The following FA2H variants were observed in gnomAD, a reference collection of about 807,000 sequenced individuals.
FA2H encodes fatty acid 2-hydroxylase.
Under a neutral mutation model 44.9 loss-of-function variants are expected in FA2H, and 22 were observed. That is an observed-to-expected ratio of 0.49 (90% confidence interval 0.35 to 0.70). The LOEUF is 0.70. Among genes scored for constraint, FA2H ranks in the 30% least tolerant of loss-of-function variants. The pLI, the probability that FA2H is intolerant of heterozygous loss-of-function variation, is 0.01. For synonymous variants in FA2H, 243 were observed against 213.2 expected (o/e 1.14, Z -1.22); for missense variants, 501 against 504.9 (o/e 0.99, Z 0.07).
intron 1 of FA2H, among the ~76,000 whole-genome samples, chr16:74,762,797 G>C (rs1482932428): frequency 6.6e-6 from 1 of 152,150 alleles, no homozygotes; most frequent in Non-Finnish European, 1.5e-5. Flanking sequence ...CAAAGTTCTG[G>C]GATTACAGGC....
intron 5 of FA2H, among the ~76,000 whole-genome samples, chr16:74,717,581 C>T (rs77737883): frequency 2.0e-5 from 3 of 152,224 alleles, no homozygotes; most frequent in Non-Finnish European, 4.4e-5. Context: ...CATGGGTGCT[C>T]TTGTGAGCTG....
At chr16:74,726,849 C>G (rs1961968862) in intron 3 of FA2H, among the ~76,000 whole-genome samples, 1 of 152,180 alleles carries the variant, frequency 6.6e-6, no homozygotes, top group Non-Finnish European at 1.5e-5. Context: ...TGCCTCCTGT[C>G]TCTGAGATGA....
At chr16:74,720,626 C>T (rs1387983250) in intron 4 of FA2H, among the ~76,000 whole-genome samples, 1 of 152,096 alleles carries the variant, frequency 6.6e-6, no homozygotes, top group Non-Finnish European at 1.5e-5. Context: ...ATATATAATT[C>T]AGTGCTTTTT....
intron 1 of FA2H, among the ~76,000 whole-genome samples, chr16:74,773,707 T>C (rs923039710): frequency 1.3e-5 from 2 of 152,212 alleles, no homozygotes; most frequent in African/African-American, 4.8e-5. Context: ...TCAGATTCCA[T>C]ATCCTGAAAT....
At chr16:74,746,218 T>C (rs963670319) in intron 1 of FA2H, among the ~76,000 whole-genome samples, 3 of 152,064 alleles carry the variant, frequency 2.0e-5, no homozygotes, top group African/African-American at 7.2e-5. Context: ...CATAGGAGGA[T>C]GGGGACCAAG....
intron 2 of FA2H, among the ~76,000 whole-genome samples, chr16:74,731,885 C>T (rs1389702452): frequency 6.6e-6 from 1 of 151,310 alleles, no homozygotes; most frequent in East Asian, 1.9e-4. Context: ...CTTTCTTTTT[C>T]TTTTTGAGAC....
intron 1 of FA2H, among the ~76,000 whole-genome samples, chr16:74,767,300 T>C (rs771979367): frequency 2.6e-5 from 4 of 151,368 alleles, no homozygotes; most frequent in Non-Finnish European, 2.9e-5. Context: ...AGAGGGAGAC[T>C]CATAAAAAAA....
intron 5 of FA2H, chr16:74,716,822 T>G: frequency 1.1e-5 from 5 of 469,776 alleles, no homozygotes; most frequent in African/African-American, 2.0e-5. Context: ...CCTGGCAGAT[T>G]GCAAAGGAAC....
intron 2 of FA2H, among the ~76,000 whole-genome samples, chr16:74,730,661 C>T (rs375740298): frequency 1.3e-5 from 2 of 152,144 alleles, no homozygotes; most frequent in East Asian, 3.8e-4. Context: ...GTCTGCAGAG[C>T]CCCACCTTAG....
chr16:74,746,273 C>A (rs1426367304), intron 1 of FA2H, among the ~76,000 whole-genome samples: 2 of 151,172 alleles, frequency 1.3e-5, no homozygotes, highest in East Asian at 2.0e-4. Flanking sequence ...TTTTTCTTTT[C>A]TTTTGACACA....
At chr16:74,727,160 C>T (rs528065804) in intron 3 of FA2H, 84 bp downstream of exon 3, 1 of 1,564,080 alleles carries the variant, frequency 6.4e-7, no homozygotes, top group East Asian at 2.2e-5. Flanking sequence ...TGGGGAGGGA[C>T]TCAATTGCCC....
chr16:74,737,214 A>G (rs184184386), intron 2 of FA2H, among the ~76,000 whole-genome samples: 2 of 152,230 alleles, frequency 1.3e-5, no homozygotes, highest in East Asian at 3.9e-4. Flanking sequence ...CGAAGTGGCA[A>G]AAAGAGGCTG....
Position 74,728,722 on chromosome 16 carries a change from C to A in FA2H, c.364-1336G>T, listed in dbSNP as rs192997670. Among the ~76,000 whole-genome samples the A allele has an allele frequency of 1.8e-4, 28 of 152,026 alleles. No individual in the cohort carries two copies. The East Asian group carries it at 4.6e-3, about 25-fold the overall frequency. On this transcript the variant is annotated intron_variant, in intron 2 of 6. Transcript: ENST00000219368. ...AGAGGCAGGGAGAAAATATTAACGA[C>A]CCTATTTCTATTGCTATTATTTCTA...
chr16:74,734,561 C>T lies in FA2H; in HGVS notation c.363+5462G>A, dbSNP rs371742848. Among the ~76,000 whole-genome samples, 20 of 152,354 alleles carry T rather than the reference C, an allele frequency of 1.3e-4. No homozygotes were observed. The South Asian group carries it at 4.1e-3, about 32-fold the overall frequency. On this transcript the variant is annotated intron_variant, in intron 2 of 6. Transcript: ENST00000219368. ...CTTAGAGAGAAGGGGAGGGCTTCTCCCAGGCTATGCCAGGAATGTGGCCCA... is the reference window on the plus strand; with the variant it reads ...CTTAGAGAGAAGGGGAGGGCTTCTCTCAGGCTATGCCAGGAATGTGGCCCA...
intron 4 of FA2H, among the ~76,000 whole-genome samples, chr16:74,723,323 C>G (rs1307346405): frequency 6.6e-6 from 1 of 152,196 alleles, no homozygotes; most frequent in South Asian, 2.1e-4. Context: ...CAGGCTCCAT[C>G]TTGGAAACTC....
At chr16:74,763,367 C>T (rs181134835) in intron 1 of FA2H, among the ~76,000 whole-genome samples, 115 of 152,190 alleles carry the variant, frequency 7.6e-4, no homozygotes, top group African/African-American at 2.7e-3. Context: ...AAGCAATTCT[C>T]GTATCTCAGC....
intron 1 of FA2H, among the ~76,000 whole-genome samples, chr16:74,749,742 TA>T (rs1333868515): frequency 1.3e-5 from 2 of 152,194 alleles, no homozygotes; most frequent in African/African-American, 2.4e-5. Flanking sequence ...TTCAAGCCAC[TA>T]ACTCCATTCT....
At chr16:74,758,107 G>A (rs1962642644) in intron 1 of FA2H, among the ~76,000 whole-genome samples, 1 of 148,832 alleles carries the variant, frequency 6.7e-6, no homozygotes, top group African/African-American at 2.5e-5. Context: ...AGAGTGAGAG[G>A]GAAACAATTC....
intron 1 of FA2H, among the ~76,000 whole-genome samples, chr16:74,763,963 A>C (rs1962759544): frequency 6.6e-6 from 1 of 152,238 alleles, no homozygotes; most frequent in African/African-American, 2.4e-5. Flanking sequence ...TATACCATCA[A>C]GGTAAGAAAC....
Sources: allele counts gnomAD v4.1 joint callset (sites outside exome capture counted in the v4.1 genomes callset), GRCh38; gene constraint gnomAD v4.1.1; transcripts MANE v1.5; gene names NCBI Gene and HGNC (gene_info 2026-07-23, HGNC 2026-07-21).